Variants in KLF17 observed in about 807,000 individuals in gnomAD.
KLF17 encodes the protein KLF transcription factor 17, also known as Krueppel-like factor 17.
In KLF17, 31 loss-of-function variants were observed where a neutral mutation model predicts 34.2. That is an observed-to-expected ratio of 0.91 (90% CI 0.68 to 1.22). The LOEUF is 1.22. Ranked by LOEUF, KLF17 falls within the 50% of genes most tolerant of loss-of-function variation. KLF17 has a pLI of 0.00. For missense variants in KLF17, 478 were observed against 505.2 expected (o/e 0.95, Z 0.52); for synonymous variants, 179 against 186.7 (o/e 0.96, Z 0.34).
At chr1:44,057,630 C>T in the KLF17 span, among the ~76,000 whole-genome samples, 3 of 152,212 alleles carry the variant, frequency 2.0e-5, no homozygotes, top group Admixed American at 1.3e-4. Context: ...GAAAAGCTTA[C>T]AAAAGGATCC....
At chr1:44,097,679 T>C in the KLF17 span, among the ~76,000 whole-genome samples, 1 of 152,234 alleles carries the variant, frequency 6.6e-6, no homozygotes, top group African/African-American at 2.4e-5. Context: ...ACAGTAGTTT[T>C]CCTTGTCTTG....
chr1:44,054,852 T>C, the KLF17 span, among the ~76,000 whole-genome samples: 109 of 149,348 alleles, frequency 7.3e-4, no homozygotes, highest in Admixed American at 1.4e-3. Flanking sequence ...TGATCTTGGC[T>C]TACTGCAACC....
the KLF17 span, among the ~76,000 whole-genome samples, chr1:44,065,535 G>A: frequency 2.7e-5 from 4 of 147,606 alleles, no homozygotes; most frequent in Admixed American, 6.9e-5. Context: ...TCAGCCTCCC[G>A]AGTAGACGGG....
chr1:44,081,134 G>C, the KLF17 span, among the ~76,000 whole-genome samples: 1 of 149,436 alleles, frequency 6.7e-6, no homozygotes, highest in Non-Finnish European at 1.5e-5. Context: ...AACAGATTTA[G>C]TTAATCTGTT....
chr1:44,046,401 T>A, the KLF17 span, among the ~76,000 whole-genome samples: 2 of 151,888 alleles, frequency 1.3e-5, no homozygotes, highest in African/African-American at 4.8e-5. Flanking sequence ...AAAATTTTAT[T>A]TGTAGAGACG....
chr1:44,097,351 C>T, the KLF17 span, among the ~76,000 whole-genome samples: 195 of 152,218 alleles, frequency 1.3e-3, no homozygotes, highest in African/African-American at 4.3e-3. Context: ...TATGCGGGCT[C>T]TTTTTTGGTT....
At chr1:44,130,922 AGTAGCTAGGACTACAGG>A (rs2088101796) in intron 3 of KLF17, among the ~76,000 whole-genome samples, 166 bp downstream of exon 3, 1 of 152,116 alleles carries the variant, frequency 6.6e-6, no homozygotes, top group African/African-American at 2.4e-5. Context: ...CAGCCTCCCG[AGTAGCTAGGACTACAGG>A]CACGTGCCAC....
the KLF17 span, among the ~76,000 whole-genome samples, chr1:44,092,765 T>G: frequency 2.6e-5 from 4 of 151,652 alleles, no homozygotes; most frequent in Non-Finnish European, 2.9e-5. Flanking sequence ...GGGTACAATA[T>G]ATGTGACTTG....
At chr1:44,104,577 C>T in the KLF17 span, 23 of 655,650 alleles carry the variant, frequency 3.5e-5, no homozygotes, top group Non-Finnish European at 2.0e-5. Flanking sequence ...ACTGTGACAG[C>T]AGTGATGCCT....
chr1:44,087,414 C>T, the KLF17 span, among the ~76,000 whole-genome samples: 1 of 151,706 alleles, frequency 6.6e-6, no homozygotes, highest in African/African-American at 2.4e-5. Context: ...CACCATCACA[C>T]CCAGCTAATT....
the KLF17 span, among the ~76,000 whole-genome samples, chr1:44,060,126 A>T: frequency 6.6e-6 from 1 of 151,786 alleles, no homozygotes; most frequent in South Asian, 2.1e-4. Flanking sequence ...ACCACTCCTG[A>T]CTCTCCAGGA....
the KLF17 span, among the ~76,000 whole-genome samples, chr1:44,058,032 T>G: frequency 2.6e-5 from 4 of 152,186 alleles, no homozygotes; most frequent in Admixed American, 2.6e-4. Context: ...GCATTAGAAG[T>G]GCCAATTCCT....
At chr1:44,127,692 T>TTCTTTCTTTCTTTTTCTTTCTTTCTTTC (rs753421834) in intron 1 of KLF17, among the ~76,000 whole-genome samples, 36 of 90,138 alleles carry the variant, frequency 4.0e-4, no homozygotes, top group African/African-American at 7.7e-4. Context: ...CTTTCTTTCT[T>TTCTTTCTTTCTTTTTCTTTCTTTCTTTC]TTTCTTTCTT....
At chr1:44,052,130 CT>C in the KLF17 span, 1 of 152,232 alleles carries the variant, frequency 6.6e-6, no homozygotes, top group Non-Finnish European at 1.5e-5. Context: ...ACCCAGCAGG[CT>C]TCCTGAGCCT....
chr1:44,130,364 T>A, intron 2 of KLF17, 148 bp from the exon 3 acceptor site: 1 of 1,368,352 alleles, frequency 7.3e-7, no homozygotes, highest in Non-Finnish European at 1.0e-6. Context: ...CCAAGATGAC[T>A]GGGGCGGGCA....
chr1:44,101,809 T>C, the KLF17 span, among the ~76,000 whole-genome samples: 2 of 151,674 alleles, frequency 1.3e-5, no homozygotes, highest in Non-Finnish European at 2.9e-5. Flanking sequence ...GACAGATCAC[T>C]TGAGCCCAGG....
the KLF17 span, among the ~76,000 whole-genome samples, chr1:44,073,209 C>CTTTT: frequency 5.3e-3 from 731 of 137,780 alleles, 4 homozygotes; most frequent in East Asian, 0.024. Flanking sequence ...TCTTCTTCTT[C>CTTTT]TTTTTTTTTT....
rs922352742 is a variant in KLF17 at position 44,132,694 on chromosome 1, G to A, written c.*1-544G>A. Among the ~76,000 whole-genome samples, 4 of 150,678 alleles carry A rather than the reference G, an allele frequency of 2.7e-5. No homozygotes were observed. In the East Asian group the frequency reaches 5.9e-4, roughly 22 times the overall value. ...AGGGAGAGGAGGACCTAAGCCTGGGGCAGATAAAGATGAATCTCACTGTAA... is the reference window on the plus strand; with the variant it reads ...AGGGAGAGGAGGACCTAAGCCTGGGACAGATAAAGATGAATCTCACTGTAA... On this transcript the variant is annotated intron_variant, in intron 3 of 3. Transcript: ENST00000372299.
upstream of KLF17, among the ~76,000 whole-genome samples, chr1:44,116,815 C>T (rs2087883501): frequency 6.6e-6 from 1 of 152,198 alleles, no homozygotes. Flanking sequence ...CTCTAATGGC[C>T]TTCTAACTAC....
Sources: allele counts gnomAD v4.1 joint callset (sites outside exome capture counted in the v4.1 genomes callset), GRCh38; gene constraint gnomAD v4.1.1; transcripts MANE v1.5; gene names NCBI Gene and HGNC (gene_info 2026-07-23, HGNC 2026-07-21).